Variants in MEGF6 observed in about 807,000 individuals in gnomAD.
MEGF6 encodes multiple epidermal growth factor-like domains protein 6.
A neutral mutation model predicts 207.1 loss-of-function variants in MEGF6; 184 were observed. The ratio of observed to expected loss-of-function variants is 0.89; its 90% CI spans 0.79 to 1.00. MEGF6 has a LOEUF of 1.00. Among genes scored for constraint, MEGF6 ranks in the 50% least tolerant of loss-of-function variants. The pLI, the probability that MEGF6 is intolerant of heterozygous loss-of-function variation, is 0.00. For synonymous variants in MEGF6, 1,038 were observed against 910.0 expected (o/e 1.14, Z -2.53); for missense variants, 2,282 against 2,202.9 (o/e 1.04, Z -0.72).
rs1409929908 is a variant in MEGF6 at position 3,489,801 on chromosome 1, A to C, written c.*727T>G. 2 of 152,136 alleles carry C rather than the reference A, an allele frequency of 1.3e-5. No homozygotes were observed. Among genetic ancestry groups the C allele is most frequent in the Non-Finnish European group, 2.9e-5 (2 of 68,104 alleles). The allele number at this position is 152,136 out of a possible 1,614,324, so 9.4% of individuals were successfully genotyped here. ...ACTTCTTCACTTGTGTGGCACCCCC[A>C]CCCCTGCAAAGGGCCCCGGGTGCAC... On this transcript the variant is annotated 3_prime_UTR_variant, in exon 37 of 37. Transcript: ENST00000356575.
At chr1:3,601,108 G>A (rs541035337) in intron 2 of MEGF6, among the ~76,000 whole-genome samples, 14 of 152,288 alleles carry the variant, frequency 9.2e-5, no homozygotes, top group African/African-American at 2.6e-4. Context: ...CCGGCACATC[G>A]GCAATGCTGC....
intron 11 of MEGF6, 71 bp from the exon 12 acceptor site, chr1:3,509,316 G>C (rs1054376299): frequency 1.5e-6 from 2 of 1,349,552 alleles, no homozygotes; most frequent in Non-Finnish European, 1.9e-6. Flanking sequence ...CCGGCGGGTA[G>C]GGCTGGGCCT....
chr1:3,500,666 C>T lies in MEGF6; in HGVS notation c.2674G>A (p.Glu892Lys), dbSNP rs1340014222. Residue 892 changes from glutamate (E) to lysine (K), a missense_variant, in exon 21 of 37, where the codon GAG (glutamate) becomes AAG (lysine). Physicochemically the swap from Glu to Lys is moderately conservative, Grantham distance 56. Transcript: ENST00000356575. ...CDAISGLCLCEAGYVGPRCEQ... is the reference protein window; with the variant it reads ...CDAISGLCLCKAGYVGPRCEQ... ...CACCGCGGGCCCACGTAGCCAGCCTCACACAGACACAGGCCGCTGATGGCA... is the reference window on the plus strand; with the variant it reads ...CACCGCGGGCCCACGTAGCCAGCCTTACACAGACACAGGCCGCTGATGGCA... 2 of 1,569,894 alleles carry T rather than the reference C, an allele frequency of 1.3e-6. No homozygotes were observed. Among genetic ancestry groups the T allele is most frequent in the Non-Finnish European group, 8.6e-7 (1 of 1,157,802 alleles).
At chr1:3,617,499 G>A in the MEGF6 span, among the ~76,000 whole-genome samples, 41 of 152,262 alleles carry the variant, frequency 2.7e-4, no homozygotes, top group South Asian at 3.3e-3. Context: ...GGGAGGGAGA[G>A]CATCAGGAAG....
chr1:3,508,289 G>A (rs549224757), intron 13 of MEGF6, among the ~76,000 whole-genome samples: 1 of 152,220 alleles, frequency 6.6e-6, no homozygotes, highest in Admixed American at 6.5e-5. Context: ...TTGCTGGACC[G>A]TGAAGACTGA....
intron 4 of MEGF6, among the ~76,000 whole-genome samples, chr1:3,540,429 C>T (rs904165447): frequency 5.9e-5 from 9 of 152,352 alleles, no homozygotes; most frequent in South Asian, 4.1e-4. Context: ...CCCACAGGAA[C>T]GTGGCCCCAG....
At chr1:3,571,702 G>C (rs911232724) in intron 4 of MEGF6, among the ~76,000 whole-genome samples, 3 of 140,372 alleles carry the variant, frequency 2.1e-5, no homozygotes, top group African/African-American at 3.0e-5. Context: ...TGGCGTGCTG[G>C]GTTCTCCTGG....
chr1:3,509,201 C>T lies in MEGF6; in HGVS notation c.1402G>A (p.Val468Met), dbSNP rs374495822. 125 of 1,563,060 alleles carry T rather than the reference C, an allele frequency of 8.0e-5. 1 individual carries two copies. The South Asian group carries it at 9.2e-4, about 12-fold the overall frequency. ...ACGGCAATGTGGGGCAGGGGCCGCA[C>T]GAAAGGCAGCTCGCCGTCCAGGTCC... Reference protein sequence around the residue: ...MVDLDGELPFVRPLPHIAVLQ... With the variant: ...MVDLDGELPFMRPLPHIAVLQ... Residue 468 changes from valine (V) to methionine (M), a missense_variant, in exon 12 of 37, where the codon GTG (valine) becomes ATG (methionine). By Grantham distance (21) the Val-to-Met change is conservative. Transcript: ENST00000356575.
chr1:3,555,472 C>A (rs904707326), intron 4 of MEGF6, among the ~76,000 whole-genome samples: 1 of 152,234 alleles, frequency 6.6e-6, no homozygotes, highest in Non-Finnish European at 1.5e-5. Context: ...CGGGGCAAGG[C>A]GACTCCTGTA....
At chr1:3,525,413 C>T (rs1161573040) in intron 4 of MEGF6, among the ~76,000 whole-genome samples, 3 of 152,362 alleles carry the variant, frequency 2.0e-5, no homozygotes, top group African/African-American at 7.2e-5. Context: ...GCCTGGACTT[C>T]CACAGCCTGG....
At chr1:3,514,247 C>CAA (rs34128030) in intron 7 of MEGF6, among the ~76,000 whole-genome samples, 1 of 118,706 alleles carries the variant, frequency 8.4e-6, no homozygotes, top group African/African-American at 3.3e-5. Flanking sequence ...GACTCCGTCT[C>CAA]AAAAAAAAAA....
chr1:3,523,992 A>C, intron 5 of MEGF6, 132 bp downstream of exon 5: 1 of 1,027,796 alleles, frequency 9.7e-7, no homozygotes, highest in Non-Finnish European at 1.4e-6. Flanking sequence ...CTCCGCAGGA[A>C]GGAGCCACTG....
intron 4 of MEGF6, among the ~76,000 whole-genome samples, chr1:3,528,010 G>A (rs1286108438): frequency 6.6e-6 from 1 of 152,222 alleles, no homozygotes; most frequent in African/African-American, 2.4e-5. Flanking sequence ...GGGCTGTGGT[G>A]GGGGAGACAG....
In MEGF6 at chr1:3,497,107, C is replaced by T; in HGVS notation, c.3494G>A (p.Gly1165Asp). 1.3e-6 allele frequency: 2 copies of T among 1,572,158 alleles called. No individual in the cohort carries two copies. The highest frequency in any genetic ancestry group is 1.7e-6 in the Non-Finnish European group (2 of 1,157,022). ...GSGCEQACPP[G>D]SFGEDCAQMC... ...CTGCGCACAGTCCTCCCCAAAGCTG[C>T]CGGGTGGGCAGGCTGGGTGGAGACA... is the stretch of plus-strand genomic sequence containing the variant. The change falls in exon 28 of 37, where the codon GGC becomes GAC. Residue 1165 changes from glycine to aspartate, a missense_variant. Transcript: ENST00000356575.
At chr1:3,526,260 G>A (rs907758375) in intron 4 of MEGF6, among the ~76,000 whole-genome samples, 1 of 152,214 alleles carries the variant, frequency 6.6e-6, no homozygotes, top group African/African-American at 2.4e-5. Context: ...GAGACCACAC[G>A]GGCCACATGG....
Position 3,595,360 on chromosome 1 carries a change from G to C in MEGF6, c.354C>G (p.Pro118=), listed in dbSNP as rs781280713. ...CACCCGAGAGGCAGCCCTCCTCGTC[G>C]GGCTGCTGCATCCACCCTCGGCAGC... ...LRCCRGWMQQ[P]DEEGCLSAEC... The change falls in exon 3 of 37, where the codon CCC becomes CCG. Residue 118 remains proline, a synonymous_variant. Coordinates refer to ENST00000356575, the MANE Select transcript of MEGF6 (RefSeq NM_001409.4). 44 of 1,612,220 alleles carry C rather than the reference G, an allele frequency of 2.7e-5. No individual in the cohort carries two copies. Among genetic ancestry groups the C allele is most frequent in the East Asian group, 1.1e-4 (5 of 44,858 alleles).
intron 34 of MEGF6, 153 bp downstream of exon 34, chr1:3,493,618 C>G (rs1640469307): frequency 9.3e-7 from 1 of 1,080,884 alleles, no homozygotes; most frequent in Non-Finnish European, 1.3e-6. Flanking sequence ...GCAGCTGACT[C>G]CAGCCCCCCC....
chr1:3,603,156 T>C (rs1215293425), intron 1 of MEGF6, among the ~76,000 whole-genome samples: 1 of 152,186 alleles, frequency 6.6e-6, no homozygotes, highest in African/African-American at 2.4e-5. Context: ...GCCCCATCCC[T>C]GCCAAACTCC....
intron 3 of MEGF6, among the ~76,000 whole-genome samples, chr1:3,581,263 C>A (rs1348083131): frequency 6.6e-6 from 1 of 152,154 alleles, no homozygotes; most frequent in Non-Finnish European, 1.5e-5. Context: ...GCTTCTTCCT[C>A]CCACCCTCCT....
Sources: gnomAD v4.1 joint callset for allele counts (sites outside exome capture counted in the v4.1 genomes callset) on GRCh38, gnomAD v4.1.1 for gene constraint, MANE v1.5 for transcripts, NCBI Gene and HGNC (gene_info 2026-07-23, HGNC 2026-07-21) for gene names.